The following SCIMP variants were observed in gnomAD, a reference collection of about 807,000 sequenced individuals.
SCIMP encodes the protein SLP adaptor and CSK interacting membrane protein.
SCIMP carries 18 observed loss-of-function variants against 22.0 expected under a neutral mutation model. That is an observed-to-expected ratio of 0.82 (90% CI 0.56 to 1.21). SCIMP has a LOEUF of 1.21. Ranked by LOEUF, SCIMP falls within the 50% of genes most tolerant of loss-of-function variation. The pLI, the probability that SCIMP is intolerant of heterozygous loss-of-function variation, is 0.00. For missense variants in SCIMP, 155 were observed against 171.2 expected (o/e 0.91, Z 0.53); for synonymous variants, 53 against 62.2 (o/e 0.85, Z 0.70).
intron 3 of SCIMP, among the ~76,000 whole-genome samples, chr17:5,217,358 A>G (rs2074572345): frequency 6.7e-6 from 1 of 148,952 alleles, no homozygotes; most frequent in East Asian, 2.0e-4. Flanking sequence ...CTGCAATCCC[A>G]GTTTTATTCT....
intron 3 of SCIMP, 131 bp downstream of exon 3, chr17:5,221,156 G>T: frequency 1.3e-6 from 1 of 753,634 alleles, no homozygotes; most frequent in Non-Finnish European, 2.4e-6. Flanking sequence ...GATTTGGCAG[G>T]TGTGAAGTCT....
chr17:5,223,446 G>A lies in SCIMP; in HGVS notation c.32C>T (p.Ala11Val). ...GAAATTATTCCTCCACCAGCTCATT[G>A]CAGTGGAATCCTGAGAAGAATGGAG... is the stretch of plus-strand genomic sequence containing the variant. MDTFTVQDST[A>V]MSWWRNNFWI... Residue 11 changes from alanine (A) to valine (V), a missense_variant, in exon 2 of 5, where the codon GCA becomes GTA. By Grantham distance (64) the Ala-to-Val change is moderately conservative. Coordinates refer to ENST00000574081, the MANE Select transcript of SCIMP (RefSeq NM_207103.3). 6.2e-7 allele frequency: 1 copy of A among 1,613,540 alleles called. No individual in the cohort carries two copies. The highest frequency in any genetic ancestry group is 8.5e-7 in the Non-Finnish European group (1 of 1,179,506).
chr17:5,228,129 G>A (rs2074665598), intron 1 of SCIMP, among the ~76,000 whole-genome samples: 1 of 151,930 alleles, frequency 6.6e-6, no homozygotes, highest in African/African-American at 2.4e-5. Flanking sequence ...CCGAGATCAC[G>A]CCACTGCACT....
At chr17:5,211,034 T>C in intron 4 of SCIMP, 79 bp from the exon 5 acceptor site, 2 of 1,518,872 alleles carry the variant, frequency 1.3e-6, no homozygotes, top group Non-Finnish European at 1.8e-6. Context: ...TCAGCGTGAT[T>C]TTCACGTTTC....
chr17:5,220,774 C>T (rs1273496618), intron 3 of SCIMP, among the ~76,000 whole-genome samples: 1 of 148,958 alleles, frequency 6.7e-6, no homozygotes, highest in African/African-American at 2.5e-5. Flanking sequence ...AATAGAACTA[C>T]CAGGCGGGCC....
At chr17:5,222,380 C>T (rs1437127949) in intron 2 of SCIMP, among the ~76,000 whole-genome samples, 4 of 152,106 alleles carry the variant, frequency 2.6e-5, no homozygotes, top group South Asian at 4.1e-4. Flanking sequence ...CGTGAGCCAC[C>T]GCGCCCGGCC....
Position 5,210,962 on chromosome 17 carries a change from T to A in SCIMP, c.284-7A>T. 6.3e-7 allele frequency: 1 copy of A among 1,597,790 alleles called. No individual in the cohort carries two copies. The highest frequency in any genetic ancestry group is 1.4e-5 in the African/African-American group (1 of 73,826). On this transcript the variant is annotated splice_polypyrimidine_tract_variant and splice_region_variant and intron_variant, in intron 4 of 4. Coordinates refer to ENST00000574081, the MANE Select transcript of SCIMP (RefSeq NM_207103.3). ...CTTGGGGCTTCCTGTGGGGCTAGAATACACAAAAAGCTCCTTAGATGCAAA... is the reference window on the plus strand; with the variant it reads ...CTTGGGGCTTCCTGTGGGGCTAGAAAACACAAAAAGCTCCTTAGATGCAAA...
Position 5,210,561 on chromosome 17 carries a change from C to CT in SCIMP, c.*239_*240insA, listed in dbSNP as rs1352427515. 1 of 454,906 alleles carries CT rather than the reference C, an allele frequency of 2.2e-6. No individual in the cohort carries two copies. 28.2% of individuals were successfully genotyped at this position (454,906 alleles called of 1,614,324 possible). ...CCCATGGAAAGTTTCCTCAACAGCA[C>CT]AAGGCTGACCCCTCTAAGTCCTCAG... On this transcript the variant is annotated 3_prime_UTR_variant, in exon 5 of 5. Coordinates refer to ENST00000574081, the MANE Select transcript of SCIMP (RefSeq NM_207103.3).
chr17:5,219,572 G>T (rs1457776271), intron 3 of SCIMP, among the ~76,000 whole-genome samples: 2 of 152,070 alleles, frequency 1.3e-5, no homozygotes, highest in African/African-American at 2.4e-5. Context: ...AGGTTGCAGG[G>T]AGCCGAAATC....
At position 5,223,430 on chromosome 17, in the gene SCIMP, C is replaced by G; in HGVS notation, c.48G>C (p.Arg16Ser). 1 of 1,613,584 alleles carries G rather than the reference C, an allele frequency of 6.2e-7. No individual in the cohort carries two copies. The highest frequency in any genetic ancestry group is 8.5e-7 in the Non-Finnish European group (1 of 1,179,654). ...VQDSTAMSWW[R>S]NNFWIILAVA... is the part of the protein sequence containing the mutation. ...CAGCTAAGATGATCCAGAAATTATT[C>G]CTCCACCAGCTCATTGCAGTGGAAT... The change falls in exon 2 of 5, where the codon AGG (arginine) becomes AGC (serine). Residue 16 changes from arginine (R) to serine (S), a missense_variant. By Grantham distance (110) the Arg-to-Ser change is moderately radical. Transcript: ENST00000574081.
intron 3 of SCIMP, among the ~76,000 whole-genome samples, chr17:5,217,060 G>A (rs1464004868): frequency 6.6e-6 from 1 of 152,096 alleles, no homozygotes; most frequent in African/African-American, 2.4e-5. Flanking sequence ...GGACATGGGG[G>A]TAGAGCTCCA....
intron 3 of SCIMP, among the ~76,000 whole-genome samples, chr17:5,218,128 C>T (rs1355933311): frequency 2.0e-5 from 3 of 151,804 alleles, no homozygotes; most frequent in Non-Finnish European, 4.4e-5. Flanking sequence ...GGGGTTCAAG[C>T]AATCCTCCCA....
In SCIMP at chr17:5,228,929, C is replaced by T. The variant is rs544301700; in HGVS notation, c.22-5473G>A. The stretch of plus-strand genomic sequence containing the variant: ...CCCTGCTATAGATGGACCTCCCACC[C>T]GAGAATGCAGGCAGAAGTCACTTTG... On this transcript the variant is annotated intron_variant, in intron 1 of 4. Transcript: ENST00000574081. 5.3e-5 allele frequency among the ~76,000 whole-genome samples: 8 copies of T among 152,278 alleles called. No individual in the cohort carries two copies. In the East Asian group the frequency reaches 1.2e-3, roughly 22 times the overall value.
chr17:5,226,916 C>T (rs1451549925), intron 1 of SCIMP, among the ~76,000 whole-genome samples: 1 of 152,018 alleles, frequency 6.6e-6, no homozygotes, highest in Non-Finnish European at 1.5e-5. Context: ...TCCTCTAGGC[C>T]ACCAGGCTGG....
In SCIMP at chr17:5,210,906, A is replaced by T; in HGVS notation, c.333T>A (p.Asn111Lys). 6.2e-7 allele frequency: 1 copy of T among 1,613,938 alleles called. No individual in the cohort carries two copies. Among genetic ancestry groups the T allele is most frequent in the Non-Finnish European group, 8.5e-7 (1 of 1,179,952 alleles). The change falls in exon 5 of 5, where the codon AAT becomes AAA. Residue 111 changes from asparagine to lysine, a missense_variant. Physicochemically the swap from Asn to Lys is moderately conservative, Grantham distance 94. Transcript: ENST00000574081. ...SQPPATYSLV[N>K]KVKNKKTVSI... ...AAACAGTCTTCTTATTTTTAACTTT[A>T]TTTACCAGTGAGTATGTAGCGGGCG... is the stretch of plus-strand genomic sequence containing the variant.
chr17:5,234,099 C>T (rs2074724363), intron 1 of SCIMP, among the ~76,000 whole-genome samples: 1 of 152,004 alleles, frequency 6.6e-6, no homozygotes, highest in African/African-American at 2.4e-5. Flanking sequence ...GGTGAAACTC[C>T]GTCTCTACTA....
rs770354379 is a variant in SCIMP at position 5,214,959 on chromosome 17, C to T, written c.249G>A (p.Leu83=). The T allele has an allele frequency of 5.0e-6, 8 of 1,609,644 alleles. No individual in the cohort carries two copies. The highest frequency in any genetic ancestry group is 1.7e-4 in the Middle Eastern group (1 of 6,056). Residue 83 remains leucine (L), a synonymous_variant, in exon 4 of 5, where the codon CTG becomes CTA. Transcript: ENST00000574081. The part of the protein sequence containing the change: ...LNESPVQLPP[L]PPRNWPSLED... Reference sequence around the variant, plus strand: ...CTAGAGAAGGCCAATTCCTCGGTGGCAGAGGCGGTAATTGAACTGGCGACT... The same window carrying T: ...CTAGAGAAGGCCAATTCCTCGGTGGTAGAGGCGGTAATTGAACTGGCGACT...
intron 1 of SCIMP, among the ~76,000 whole-genome samples, chr17:5,227,725 C>T (rs1597293680): frequency 6.6e-6 from 1 of 152,202 alleles, no homozygotes; most frequent in African/African-American, 2.4e-5. Flanking sequence ...AACTCCTCCA[C>T]CTTCCAGCCC....
chr17:5,223,343 C>G lies in SCIMP; in HGVS notation c.135G>C (p.Gln45His), dbSNP rs779880421. 13 of 1,613,770 alleles carry G rather than the reference C, an allele frequency of 8.1e-6. No individual in the cohort carries two copies. The South Asian group carries it at 1.4e-4, about 18-fold the overall frequency. Residue 45 changes from glutamine to histidine, a missense_variant, in exon 2 of 5, where the codon CAG (glutamine) becomes CAC (histidine). Transcript: ENST00000574081. ...TAAAATGGCCATTACCTCGTCTAAG[C>G]TGCCACTTACAGACACAGTACAGGA... ...GLILYCVCKW[Q>H]LRRGKKWEIA...
Sources: gnomAD v4.1 joint callset for allele counts (sites outside exome capture counted in the v4.1 genomes callset) on GRCh38, gnomAD v4.1.1 for gene constraint, MANE v1.5 for transcripts, NCBI Gene and HGNC (gene_info 2026-07-23, HGNC 2026-07-21) for gene names.